HERC1: variants seen among roughly 807,000 people sequenced by gnomAD.
HERC1 encodes the protein HECT and RLD domain containing E3 ubiquitin protein ligase family member 1.
Under a neutral mutation model 554.3 loss-of-function variants are expected in HERC1, and 160 were observed. The observed-to-expected ratio is 0.29, with a 90% CI of 0.25 to 0.33. The LOEUF (loss-of-function observed/expected upper bound fraction) is 0.33. HERC1 is among the 10% of genes least tolerant of loss of function. The pLI is 1.00. For synonymous variants in HERC1, 2,175 were observed against 2,131.7 expected (o/e 1.02, Z -0.56); for missense variants, 4,919 against 5,918.5 (o/e 0.83, Z 5.54).
At chr15:63,730,302 T>G (rs2074237071) in intron 14 of HERC1, among the ~76,000 whole-genome samples, 1 of 151,920 alleles carries the variant, frequency 6.6e-6, no homozygotes, top group South Asian at 2.1e-4. Flanking sequence ...AAAAATTTTT[T>G]TTTTTAATTA....
rs777972269 is a variant in HERC1, at chr15:63,677,813, G to A, written c.7070+32C>T. The A allele has an allele frequency of 6.3e-7, 1 of 1,581,720 alleles. No individual in the cohort carries two copies. The highest frequency in any genetic ancestry group is 1.8e-5 in the Admixed American group (1 of 57,050). On this transcript the variant is annotated intron_variant, in intron 37 of 77. Transcript: ENST00000443617. The surrounding 1 kb of genome is among the most constrained non-coding windows in gnomAD (Gnocchi z 4.4). ...TGGCCTATTTCACCATTAAATATTTGTTTGCTAAAAGTGTAACTCAACAGA... is the reference window on the plus strand; with the variant it reads ...TGGCCTATTTCACCATTAAATATTTATTTGCTAAAAGTGTAACTCAACAGA...
rs1444655466 is a variant in HERC1, at chr15:63,775,010, G to A, written c.614C>T (p.Pro205Leu). 6.2e-7 allele frequency: 1 copy of A among 1,613,944 alleles called. No individual in the cohort carries two copies. Among genetic ancestry groups the A allele is most frequent in the Non-Finnish European group, 8.5e-7 (1 of 1,179,820 alleles). ...CTTGCTTTCATTTGCTAATGATAAT[G>A]GTGGCAAAGAGCTCACAACTTCAAT... ...TAIEVVSSLP[P>L]LSLANESKIP... Residue 205 changes from proline (P) to leucine (L), a missense_variant, in exon 2 of 78, where the codon CCA (proline) becomes CTA (leucine). Coordinates refer to ENST00000443617, the MANE Select transcript of HERC1 (RefSeq NM_003922.4). The surrounding 1 kb of genome is among the most constrained non-coding windows in gnomAD (Gnocchi z 4.0).
intron 1 of HERC1, among the ~76,000 whole-genome samples, chr15:63,822,477 T>A (rs1310570603): frequency 1.3e-5 from 2 of 151,450 alleles, no homozygotes; most frequent in Non-Finnish European, 2.9e-5. Context: ...TCCCAGCAAC[T>A]CGGGAGGCTG....
intron 1 of HERC1, among the ~76,000 whole-genome samples, chr15:63,819,677 G>A (rs2077618297): frequency 6.6e-6 from 1 of 152,120 alleles, no homozygotes; most frequent in African/African-American, 2.4e-5. Context: ...CCGTCTCATT[G>A]TCACCATGAA....
chr15:63,622,489 T>C (rs184967500), intron 74 of HERC1, among the ~76,000 whole-genome samples: 45 of 152,216 alleles, frequency 3.0e-4, no homozygotes, highest in Non-Finnish European at 5.1e-4. Context: ...TGTGCCACCA[T>C]GACCGGCTAA....
intron 2 of HERC1, 57 bp from the exon 3 acceptor site, chr15:63,764,248 A>C: frequency 8.6e-7 from 1 of 1,163,886 alleles, no homozygotes; most frequent in South Asian, 1.3e-5. Flanking sequence ...TATGCATTAA[A>C]ATTAGTTAAA....
At chr15:63,719,771 A>G (rs1456463327) in intron 19 of HERC1, among the ~76,000 whole-genome samples, 2 of 152,204 alleles carry the variant, frequency 1.3e-5, no homozygotes, top group East Asian at 3.8e-4. Flanking sequence ...AGAATATGAG[A>G]GAAGTCAAAG....
intron 59 of HERC1, among the ~76,000 whole-genome samples, chr15:63,642,341 G>GT (rs1191495176): frequency 3.3e-5 from 5 of 151,470 alleles, no homozygotes; most frequent in South Asian, 2.1e-4. Flanking sequence ...GTTTGAGAGA[G>GT]TTTTTTTTTC....
At chr15:63,781,062 C>A (rs1022252566) in intron 1 of HERC1, among the ~76,000 whole-genome samples, 1 of 151,980 alleles carries the variant, frequency 6.6e-6, no homozygotes, top group Non-Finnish European at 1.5e-5. Context: ...GAAAAAGTAT[C>A]ATCTGTTAGG....
chr15:63,646,066 C>G (rs141014376), intron 55 of HERC1, among the ~76,000 whole-genome samples: 1 of 152,166 alleles, frequency 6.6e-6, no homozygotes, highest in Admixed American at 6.5e-5. Flanking sequence ...CCCCTTACAT[C>G]CCAATAGCAA....
intron 1 of HERC1, among the ~76,000 whole-genome samples, chr15:63,790,502 A>C (rs549487456): frequency 1.3e-5 from 2 of 152,146 alleles, no homozygotes; most frequent in Non-Finnish European, 2.9e-5. Context: ...GGCATGAACC[A>C]GGGAGGCGGA....
chr15:63,725,762 A>T (rs2074012941), intron 17 of HERC1, among the ~76,000 whole-genome samples: 1 of 152,214 alleles, frequency 6.6e-6, no homozygotes, highest in Non-Finnish European at 1.5e-5. Context: ...ACATTAAAAC[A>T]ACATATGACA....
In HERC1 at chr15:63,794,136, C is replaced by T. The variant is rs535177763; in HGVS notation, c.-26-18487G>A. Among the ~76,000 whole-genome samples the T allele has an allele frequency of 3.3e-5, 5 of 152,268 alleles. No individual in the cohort carries two copies. The East Asian group carries it at 9.7e-4, about 29-fold the overall frequency. ...AAGGGGAGGCATGAATAATCCACCC[C>T]TTGTTTAGCATATCATCAACATATA... On this transcript the variant is annotated intron_variant, in intron 1 of 77. Transcript: ENST00000443617.
intron 36 of HERC1, 103 bp from the exon 37 acceptor site, chr15:63,678,468 T>G (rs1286617790): frequency 2.2e-6 from 3 of 1,339,488 alleles, no homozygotes; most frequent in Non-Finnish European, 3.0e-6. Context: ...AGTATTTGGG[T>G]CTCTTCATAC....
chr15:63,692,589 C>T lies in HERC1; in HGVS notation c.5675-23G>A, dbSNP rs371532854. The T allele has an allele frequency of 1.1e-4, 172 of 1,573,016 alleles. 1 individual carries two copies. The highest frequency in any genetic ancestry group is 9.2e-4 in the South Asian group (77 of 84,038). ...CAGCTACAGTGAAGAGACAAGTTTACGTTACAACCAAGAGCCAACAAGAAA... is the reference window on the plus strand; with the variant it reads ...CAGCTACAGTGAAGAGACAAGTTTATGTTACAACCAAGAGCCAACAAGAAA... On this transcript the variant is annotated intron_variant, in intron 30 of 77. Coordinates refer to ENST00000443617, the MANE Select transcript of HERC1 (RefSeq NM_003922.4). The surrounding 1 kb of genome is among the most constrained non-coding windows in gnomAD (Gnocchi z 4.7).
At chr15:63,652,585 T>C (rs572988746) in intron 51 of HERC1, 44 bp from the exon 52 acceptor site, 33 of 1,445,774 alleles carry the variant, frequency 2.3e-5, no homozygotes, top group Non-Finnish European at 3.0e-5. Flanking sequence ...TCTATTCAAA[T>C]GATTTTATTA....
In HERC1 at chr15:63,723,270, A is replaced by T; in HGVS notation, c.3654T>A (p.Ile1218=). 1 of 1,598,974 alleles carries T rather than the reference A, an allele frequency of 6.3e-7. No homozygotes were observed. The highest frequency in any genetic ancestry group is 8.5e-7 in the Non-Finnish European group (1 of 1,171,772). The change falls in exon 19 of 78, where the codon ATT becomes ATA. Residue 1218 remains isoleucine (I), a synonymous_variant. Transcript: ENST00000443617. ...KPFDYKLRPE[I]AVYVDLALGC... ...CCAATGCCAAGTCTACATAGACAGC[A>T]ATTTCAGGCCGCAATTTATAATCAA...
intron 30 of HERC1, among the ~76,000 whole-genome samples, chr15:63,693,548 G>A (rs1452190612): frequency 1.3e-5 from 2 of 152,062 alleles, no homozygotes; most frequent in Non-Finnish European, 2.9e-5. Flanking sequence ...CTGGCCTGGG[G>A]GACAATTTAG....
chr15:63,689,666 A>G lies in HERC1; in HGVS notation c.5971T>C (p.Cys1991Arg). ...TGAGCAATGGGTGTCTCCCACATAC[A>G]ATCAGAGAGAAGGGAAAATAAGCGC... is the stretch of plus-strand genomic sequence containing the variant. ...VERLFSLLSD[C>R]MWETPIAQAK... is the part of the protein sequence containing the mutation. Residue 1991 changes from cysteine to arginine, a missense_variant, in exon 33 of 78, where the codon TGT (cysteine) becomes CGT (arginine). This residue lies in a region of HERC1 where 1,121 missense variants were observed against 1,244.0 expected (regional missense o/e 0.90). Transcript: ENST00000443617. 6.3e-7 allele frequency: 1 copy of G among 1,586,880 alleles called. No homozygotes were observed. Among genetic ancestry groups the G allele is most frequent in the East Asian group, 2.3e-5 (1 of 44,100 alleles).
Sources: gnomAD v4.1 joint callset for allele counts (sites outside exome capture counted in the v4.1 genomes callset) on GRCh38, gnomAD v4.1.1 for gene constraint, gnomAD v4.1.1 regional missense constraint, Gnocchi (gnomAD v3.1) non-coding constraint, MANE v1.5 for transcripts, NCBI Gene and HGNC (gene_info 2026-07-23, HGNC 2026-07-21) for gene names.